The following PRR5L variants were observed in gnomAD, a reference collection of about 807,000 sequenced individuals.
PRR5L encodes the protein proline rich 5 like.
Under a neutral mutation model 36.4 loss-of-function variants are expected in PRR5L, and 21 were observed. The observed-to-expected ratio is 0.58, with a 90% CI of 0.41 to 0.83. The LOEUF is 0.83. Ranked by LOEUF, PRR5L falls within the 40% of genes least tolerant of loss-of-function variation. The probability of loss-of-function intolerance (pLI) is 0.00; values close to 1 mark genes in which losing one functional copy is unlikely to be tolerated. For missense variants in PRR5L, 381 were observed against 473.3 expected (o/e 0.80, Z 1.81); for synonymous variants, 188 against 197.0 (o/e 0.95, Z 0.38).
rs1481041171 is a variant in PRR5L at position 36,464,485 on chromosome 11, T to G, written c.*1749T>G. 5 of 152,202 alleles carry G rather than the reference T, an allele frequency of 3.3e-5. No homozygotes were observed. The highest frequency in any genetic ancestry group is 7.3e-5 in the Non-Finnish European group (5 of 68,032). 9.4% of individuals were successfully genotyped at this position (152,202 alleles called of 1,614,324 possible). The stretch of plus-strand genomic sequence containing the variant: ...TCCTAAGAGTGATGGGAGAGAAATG[T>G]CCAAAAGAGATCTGCTGATCTGCTG... On this transcript the variant is annotated 3_prime_UTR_variant, in exon 9 of 9. Coordinates refer to ENST00000530639, the MANE Select transcript of PRR5L (RefSeq NM_001160167.2).
rs1288975984 is a variant in PRR5L, at chr11:36,412,696, GTC to G, written c.246-6558_246-6557del. Among the ~76,000 whole-genome samples, 885 of 152,226 alleles carry G rather than the reference GTC, an allele frequency of 5.8e-3. 7 individuals are homozygous for G. The highest frequency in any genetic ancestry group is 0.02 in the African/African-American group (839 of 41,528). ...AGTAAGTCAGGCTACAGGGTGAATT[GTC>G]CCATTGTGATTTTGGCCTAGGTGTC... On this transcript the variant is annotated intron_variant, in intron 3 of 8. Coordinates refer to ENST00000530639, the MANE Select transcript of PRR5L (RefSeq NM_001160167.2).
chr11:36,358,409 C>A (rs745950816), intron 1 of PRR5L, among the ~76,000 whole-genome samples: 3 of 152,162 alleles, frequency 2.0e-5, no homozygotes, highest in Admixed American at 6.5e-5. Flanking sequence ...GAGGCAACAC[C>A]CTCCACCAGC....
intron 1 of PRR5L, among the ~76,000 whole-genome samples, chr11:36,314,759 A>C (rs1016530986): frequency 2.6e-5 from 4 of 152,152 alleles, no homozygotes; most frequent in African/African-American, 9.7e-5. Context: ...GCTTTCCTTA[A>C]GGGGTCTCAA....
intron 1 of PRR5L, among the ~76,000 whole-genome samples, chr11:36,356,883 T>C (rs1371274559): frequency 6.6e-6 from 1 of 152,138 alleles, no homozygotes; most frequent in African/African-American, 2.4e-5. Context: ...CTCTAAGTGT[T>C]CAAGTGGAGG....
intron 1 of PRR5L, among the ~76,000 whole-genome samples, chr11:36,361,291 A>C (rs1439626155): frequency 6.6e-6 from 1 of 152,186 alleles, no homozygotes; most frequent in African/African-American, 2.4e-5. Flanking sequence ...TATTCAAGAG[A>C]TTTGCAGAAA....
intron 1 of PRR5L, among the ~76,000 whole-genome samples, chr11:36,327,848 C>A (rs1354945741): frequency 1.3e-5 from 2 of 152,176 alleles, no homozygotes; most frequent in Non-Finnish European, 2.9e-5. Context: ...TGTCGGCACC[C>A]CCTGTCCCAA....
chr11:36,452,510 G>T lies in PRR5L; in HGVS notation c.712+1175G>T, dbSNP rs189881242. 3.3e-3 allele frequency among the ~76,000 whole-genome samples: 500 copies of T among 152,312 alleles called. 2 individuals carry two copies. Among genetic ancestry groups the T allele is most frequent in the African/African-American group, 0.011 (470 of 41,578 alleles). ...GCTGGCCCCAGCCTGCTGCCTGCTG[G>T]TTCTTCTCCTTCCTCCCTCCCTTCC... On this transcript the variant is annotated intron_variant, in intron 8 of 8. Coordinates refer to ENST00000530639, the MANE Select transcript of PRR5L (RefSeq NM_001160167.2).
chr11:36,364,905 C>T (rs572832774), intron 1 of PRR5L, among the ~76,000 whole-genome samples: 9 of 152,166 alleles, frequency 5.9e-5, no homozygotes, highest in Non-Finnish European at 1.3e-4. Flanking sequence ...TTCTCTCTTC[C>T]TTCCTCTAGT....
At position 36,428,166 on chromosome 11, in the gene PRR5L, T is replaced by C. The variant is rs552033850; in HGVS notation, c.295-3687T>C. 3.9e-5 allele frequency among the ~76,000 whole-genome samples: 6 copies of C among 152,130 alleles called. No individual in the cohort carries two copies. The South Asian group carries it at 1.0e-3, about 26-fold the overall frequency. ...TCAGCACCTTGGGAGTAGGGTGACA[T>C]TGGTGGTGGAGCCCAGGCACCAGGG... is the stretch of plus-strand genomic sequence containing the variant. On this transcript the variant is annotated intron_variant, in intron 4 of 8. Transcript: ENST00000530639.
chr11:36,373,594 GT>G (rs1429625854), intron 1 of PRR5L, among the ~76,000 whole-genome samples: 19 of 136,948 alleles, frequency 1.4e-4, no homozygotes, highest in Non-Finnish European at 2.8e-4. Context: ...GCAAGACTCT[GT>G]TTTAAAAAAA....
chr11:36,362,672 C>T (rs1216070465), intron 1 of PRR5L, among the ~76,000 whole-genome samples: 2 of 152,212 alleles, frequency 1.3e-5, no homozygotes, highest in African/African-American at 4.8e-5. Flanking sequence ...TCTTTCCTTT[C>T]TCACTTCCAC....
Position 36,303,794 on chromosome 11 carries a change from C to T in PRR5L, c.-126+7356C>T, listed in dbSNP as rs572823598. On this transcript the variant is annotated intron_variant, in intron 1 of 8. Coordinates refer to ENST00000530639, the MANE Select transcript of PRR5L (RefSeq NM_001160167.2). The stretch of plus-strand genomic sequence containing the variant: ...AACAAATATTGAAAAAACAATAGAA[C>T]GAACAATACATGGTCATGTCCCTCT... Among the ~76,000 whole-genome samples the T allele has an allele frequency of 1.1e-4, 17 of 152,270 alleles. No homozygotes were observed. The South Asian group carries it at 1.2e-3, about 11-fold the overall frequency.
intron 1 of PRR5L, chr11:36,398,930 T>C (rs958990597): frequency 3.3e-5 from 5 of 152,246 alleles, no homozygotes; most frequent in African/African-American, 1.2e-4. Flanking sequence ...AAGATCCTCA[T>C]AAAGGGAGTT....
intron 5 of PRR5L, among the ~76,000 whole-genome samples, chr11:36,433,858 G>A (rs1299667746): frequency 1.3e-5 from 2 of 152,292 alleles, no homozygotes; most frequent in Non-Finnish European, 2.9e-5. Context: ...TTGCATTTTG[G>A]AGTCAGGCTA....
intron 1 of PRR5L, among the ~76,000 whole-genome samples, chr11:36,310,344 TA>T (rs1318068710): frequency 1.3e-5 from 2 of 152,256 alleles, no homozygotes; most frequent in African/African-American, 4.8e-5. Context: ...CCCTGATCCT[TA>T]GGAGCTGTTT....
rs188247403 is a variant in PRR5L, at chr11:36,353,838, C to G, written c.-125-47159C>G. Among the ~76,000 whole-genome samples, 591 of 152,290 alleles carry G rather than the reference C, an allele frequency of 3.9e-3. 4 individuals are homozygous for G. Among genetic ancestry groups the G allele is most frequent in the African/African-American group, 0.014 (567 of 41,550 alleles). ...GGCCCCATTCCTAACAGGCCACAGA[C>G]TGGTACTGATCCGCTGCCTGGGGGT... On this transcript the variant is annotated intron_variant, in intron 1 of 8. Transcript: ENST00000530639.
chr11:36,416,904 C>A (rs1247299850), intron 3 of PRR5L, among the ~76,000 whole-genome samples: 2 of 152,288 alleles, frequency 1.3e-5, no homozygotes, highest in African/African-American at 2.4e-5. Context: ...ATGCCTGGGG[C>A]AACCTTTACT....
intron 1 of PRR5L, among the ~76,000 whole-genome samples, chr11:36,309,953 A>G: frequency 3.9e-5 from 6 of 152,296 alleles, no homozygotes; most frequent in Non-Finnish European, 8.8e-5. Flanking sequence ...GAATGACTCC[A>G]TCATCCCCAC....
chr11:36,436,337 C>T (rs975483912), intron 5 of PRR5L, among the ~76,000 whole-genome samples: 3 of 152,194 alleles, frequency 2.0e-5, no homozygotes, highest in Non-Finnish European at 4.4e-5. Flanking sequence ...GGTCATTAAA[C>T]AGCAAATGCT....
Sources: allele counts gnomAD v4.1 joint callset (sites outside exome capture counted in the v4.1 genomes callset), GRCh38; gene constraint gnomAD v4.1.1; transcripts MANE v1.5; gene names NCBI Gene and HGNC (gene_info 2026-07-23, HGNC 2026-07-21).